ADGRL3: variants seen among roughly 807,000 people sequenced by gnomAD.
ADGRL3 encodes calcium-independent alpha-latrotoxin receptor 3.
In ADGRL3, 62 loss-of-function variants were observed where a neutral mutation model predicts 153.5. That is an observed-to-expected ratio of 0.40 (90% confidence interval 0.33 to 0.50). The LOEUF (loss-of-function observed/expected upper bound fraction) is 0.50, where lower values mean the gene tolerates loss of function less well. Among genes scored for constraint, ADGRL3 ranks in the 20% least tolerant of loss-of-function variants. ADGRL3 has a pLI of 0.47. For missense variants in ADGRL3, 1,641 were observed against 1,859.4 expected (o/e 0.88, Z 2.16); for synonymous variants, 710 against 672.5 (o/e 1.06, Z -0.86).
chr4:62,001,965 G>A (rs2099141995), intron 21 of ADGRL3, among the ~76,000 whole-genome samples: 1 of 151,952 alleles, frequency 6.6e-6, no homozygotes, highest in Non-Finnish European at 1.5e-5. Flanking sequence ...TTGTTGCTTT[G>A]ATTATACACG....
At chr4:61,698,643 A>G (rs1459515123) in intron 6 of ADGRL3, among the ~76,000 whole-genome samples, 1 of 152,188 alleles carries the variant, frequency 6.6e-6, no homozygotes, top group Non-Finnish European at 1.5e-5. Context: ...TAAATTGTTT[A>G]CAAAAGTGTT....
rs375405061 is a variant in ADGRL3, at chr4:62,031,538, C to G, written c.3519C>G (p.Ala1173=). 2.7e-4 allele frequency: 432 copies of G among 1,610,324 alleles called. 1 individual carries two copies. In the African/African-American group the frequency reaches 4.7e-3, roughly 18 times the overall value. ...MYINESTVIM[A]YLFTIFNSLQ... is the part of the protein sequence containing the mutation. ...TTAATGAAAGCACAGTCATCATGGCCTATCTCTTCACCATTTTCAATTCTC... is the reference window on the plus strand; with the variant it reads ...TTAATGAAAGCACAGTCATCATGGCGTATCTCTTCACCATTTTCAATTCTC... The change falls in exon 23 of 27, where the codon GCC becomes GCG. Residue 1173 remains alanine (A), a synonymous_variant. Coordinates refer to ENST00000683033, the MANE Select transcript of ADGRL3 (RefSeq NM_001387552.1).
chr4:61,833,446 G>A (rs2097896916), intron 9 of ADGRL3, among the ~76,000 whole-genome samples: 1 of 152,172 alleles, frequency 6.6e-6, no homozygotes, highest in Non-Finnish European at 1.5e-5. Context: ...AGGGATCAGA[G>A]TTTTTAAGGA....
At chr4:61,745,208 G>A (rs1305140687) in intron 8 of ADGRL3, among the ~76,000 whole-genome samples, 1 of 152,192 alleles carries the variant, frequency 6.6e-6, no homozygotes, top group African/African-American at 2.4e-5. Flanking sequence ...ATGGGACTAT[G>A]TGAAAAGACC....
chr4:61,982,850 TAAAC>T (rs943894656), intron 18 of ADGRL3, among the ~76,000 whole-genome samples: 4 of 152,140 alleles, frequency 2.6e-5, no homozygotes, highest in Non-Finnish European at 4.4e-5. Flanking sequence ...AGGGTAGAAA[TAAAC>T]AAACAATTAC....
At chr4:61,285,710 T>C (rs898696563) in intron 1 of ADGRL3, among the ~76,000 whole-genome samples, 1 of 151,854 alleles carries the variant, frequency 6.6e-6, no homozygotes, top group Non-Finnish European at 1.5e-5. Flanking sequence ...AATTATTGTA[T>C]ATTTTGTGAA....
At chr4:61,641,128 AT>A (rs906380190) in intron 5 of ADGRL3, among the ~76,000 whole-genome samples, 3 of 152,172 alleles carry the variant, frequency 2.0e-5, no homozygotes, top group East Asian at 1.9e-4. Flanking sequence ...TATTTCACCT[AT>A]TTTTTTAATT....
In ADGRL3 at chr4:62,012,025, ATAT is replaced by A. The variant is rs1161603930; in HGVS notation, c.3395+13761_3395+13763del. On this transcript the variant is annotated intron_variant, in intron 21 of 26. Transcript: ENST00000683033. ...TAGTACAATGATTATATGTATTAAT[ATAT>A]ATAATTTTATGTGAAAATTGACCAA... is the stretch of plus-strand genomic sequence containing the variant. Among the ~76,000 whole-genome samples, 3 of 152,190 alleles carry A rather than the reference ATAT, an allele frequency of 2.0e-5. No homozygotes were observed. The East Asian group carries it at 5.8e-4, about 29-fold the overall frequency.
intron 3 of ADGRL3, among the ~76,000 whole-genome samples, chr4:61,498,159 C>G (rs918222323): frequency 6.6e-6 from 1 of 152,108 alleles, no homozygotes; most frequent in South Asian, 2.1e-4. Flanking sequence ...TACTACTCTG[C>G]ACAATCTTTA....
intron 1 of ADGRL3, among the ~76,000 whole-genome samples, chr4:61,248,325 T>C (rs1233003623): frequency 6.6e-6 from 1 of 152,146 alleles, no homozygotes; most frequent in East Asian, 1.9e-4. Context: ...TTAAATTAAA[T>C]TATTGCTTAT....
At position 62,005,967 on chromosome 4, in the gene ADGRL3, TACACACAC is replaced by T. The variant is rs59783179; in HGVS notation, c.3395+7732_3395+7739del. On this transcript the variant is annotated intron_variant, in intron 21 of 26. Coordinates refer to ENST00000683033, the MANE Select transcript of ADGRL3 (RefSeq NM_001387552.1). ...ATATATACATACATATATATACACA[TACACACAC>T]ACACACACACACACACACACACACA... is the stretch of plus-strand genomic sequence containing the variant. Among the ~76,000 whole-genome samples the T allele has an allele frequency of 4.7e-3, 320 of 67,684 alleles. 1 individual carries two copies. Among genetic ancestry groups the T allele is most frequent in the African/African-American group, 0.015 (263 of 17,048 alleles). 44.4% of individuals were successfully genotyped at this position (67,684 alleles called of 152,430 possible). A position where few individuals can be genotyped will look rare whatever the true frequency, so the allele number is the denominator to read the frequency against.
rs76607950 is a variant in ADGRL3, at chr4:61,948,065, A to G, written c.2629-35A>G. Reference sequence around the variant, plus strand: ...AACCTAATTTACATGATCATAAAGTAGTTGTTGATTTTATGGATTTTTTTT... The same window carrying G: ...AACCTAATTTACATGATCATAAAGTGGTTGTTGATTTTATGGATTTTTTTT... On this transcript the variant is annotated intron_variant, in intron 16 of 26. Coordinates refer to ENST00000683033, the MANE Select transcript of ADGRL3 (RefSeq NM_001387552.1). The G allele has an allele frequency of 1.4e-4, 224 of 1,550,190 alleles. 2 individuals are homozygous for G. In the East Asian group the frequency reaches 4.4e-3, roughly 31 times the overall value.
chr4:61,302,347 G>A (rs940037288), intron 1 of ADGRL3, among the ~76,000 whole-genome samples: 3 of 152,282 alleles, frequency 2.0e-5, no homozygotes, highest in East Asian at 1.9e-4. Flanking sequence ...ACCAAAGAAG[G>A]TGAAGTGAAA....
chr4:61,451,284 C>A (rs2097670349), intron 2 of ADGRL3, among the ~76,000 whole-genome samples: 1 of 151,820 alleles, frequency 6.6e-6, no homozygotes, highest in South Asian at 2.1e-4. Context: ...TCATTTATAC[C>A]ACATAACTGA....
At chr4:61,715,685 T>C (rs1348449817) in intron 6 of ADGRL3, among the ~76,000 whole-genome samples, 1 of 152,148 alleles carries the variant, frequency 6.6e-6, no homozygotes, top group Non-Finnish European at 1.5e-5. Flanking sequence ...GTCACATAGC[T>C]ATTTTACAGC....
At chr4:61,949,242 G>A (rs942720521) in intron 17 of ADGRL3, among the ~76,000 whole-genome samples, 2 of 152,064 alleles carry the variant, frequency 1.3e-5, no homozygotes, top group Non-Finnish European at 2.9e-5. Flanking sequence ...CCCGTGTTGG[G>A]TTCAACCAAT....
In ADGRL3 at chr4:61,789,632, A is replaced by G. The variant is rs531037310; in HGVS notation, c.1400-24177A>G. ...CTTTTAATTGGCAAGTTTGAAATTTAAGTATTTAATTGATGCTTCATAGTA... is the reference window on the plus strand; with the variant it reads ...CTTTTAATTGGCAAGTTTGAAATTTGAGTATTTAATTGATGCTTCATAGTA... On this transcript the variant is annotated intron_variant, in intron 8 of 26. Transcript: ENST00000683033. 4.6e-5 allele frequency among the ~76,000 whole-genome samples: 7 copies of G among 152,306 alleles called. No individual in the cohort carries two copies. In the South Asian group the frequency reaches 1.4e-3, roughly 32 times the overall value.
At chr4:61,288,271 T>G (rs369642212) in intron 1 of ADGRL3, among the ~76,000 whole-genome samples, 4 of 152,090 alleles carry the variant, frequency 2.6e-5, no homozygotes, top group African/African-American at 9.6e-5. Context: ...TGACTATACA[T>G]AACAGAAAAC....
chr4:61,278,082 G>A (rs2093557328), intron 1 of ADGRL3, among the ~76,000 whole-genome samples: 1 of 152,208 alleles, frequency 6.6e-6, no homozygotes, highest in African/African-American at 2.4e-5. Flanking sequence ...ATTGGGTAAT[G>A]TTTCCCCTGG....
Sources: gnomAD v4.1 joint callset for allele counts (sites outside exome capture counted in the v4.1 genomes callset) on GRCh38, gnomAD v4.1.1 for gene constraint, MANE v1.5 for transcripts, NCBI Gene and HGNC (gene_info 2026-07-23, HGNC 2026-07-21) for gene names.